Variants in NRG1 observed in about 807,000 individuals in gnomAD.
The protein encoded by NRG1 is pro-neuregulin-1, membrane-bound isoform.
In NRG1, 18 loss-of-function variants were observed where a neutral mutation model predicts 63.8. The observed-to-expected ratio is 0.28, with a 90% CI of 0.19 to 0.42. The LOEUF (loss-of-function observed/expected upper bound fraction) is 0.42. NRG1 is among the 10% of genes least tolerant of loss of function. The pLI, the probability that NRG1 is intolerant of heterozygous loss-of-function variation, is 1.00. For missense variants in NRG1, 762 were observed against 814.7 expected (o/e 0.94, Z 0.79); for synonymous variants, 302 against 301.3 (o/e 1.00, Z -0.02).
chr8:31,813,412 T>C (rs1486822423), intron 1 of NRG1, among the ~76,000 whole-genome samples: 1 of 152,106 alleles, frequency 6.6e-6, no homozygotes, highest in Non-Finnish European at 1.5e-5. Context: ...TTAATGCTCT[T>C]AGTCTGTTGG....
chr8:31,759,365 TTA>T (rs1563368020), intron 1 of NRG1, among the ~76,000 whole-genome samples: 1 of 152,138 alleles, frequency 6.6e-6, no homozygotes, highest in Non-Finnish European at 1.5e-5. Flanking sequence ...CTTCAGACTT[TTA>T]GCTTATACAT....
chr8:32,335,830 G>A (rs909515706), intron 1 of NRG1, among the ~76,000 whole-genome samples: 4 of 152,116 alleles, frequency 2.6e-5, no homozygotes, highest in African/African-American at 9.7e-5. Context: ...TGCTGAGAGG[G>A]TCTTGGGTCT....
intron 5 of NRG1, among the ~76,000 whole-genome samples, chr8:32,669,724 T>G (rs1805129598): frequency 6.6e-6 from 1 of 152,202 alleles, no homozygotes; most frequent in Non-Finnish European, 1.5e-5. Context: ...TTGGTCTTAT[T>G]TAGTTGGGGC....
intron 1 of NRG1, among the ~76,000 whole-genome samples, chr8:32,002,771 C>T (rs751797393): frequency 1.2e-4 from 18 of 152,058 alleles, no homozygotes; most frequent in Admixed American, 7.9e-4. Flanking sequence ...CTTGTGCCTG[C>T]GCACCTATCT....
chr8:31,726,430 A>C (rs1813450373), intron 1 of NRG1, among the ~76,000 whole-genome samples: 1 of 152,162 alleles, frequency 6.6e-6, no homozygotes. Flanking sequence ...AAACTATCTA[A>C]GGCAAAATTT....
intron 1 of NRG1, among the ~76,000 whole-genome samples, chr8:32,584,698 G>T (rs1389724013): frequency 6.6e-6 from 1 of 152,176 alleles, no homozygotes; most frequent in East Asian, 1.9e-4. Context: ...GGACACATTT[G>T]TTTCAGAATT....
intron 1 of NRG1, among the ~76,000 whole-genome samples, chr8:31,697,910 A>G (rs1360163131): frequency 2.2e-5 from 2 of 89,670 alleles, no homozygotes; most frequent in African/African-American, 4.3e-5. Flanking sequence ...TTTTTTTTTG[A>G]TGGAGTTTCA....
At chr8:32,708,858 A>G (rs991414374) in intron 5 of NRG1, among the ~76,000 whole-genome samples, 4 of 152,318 alleles carry the variant, frequency 2.6e-5, no homozygotes, top group South Asian at 2.1e-4. Flanking sequence ...GTGACTGCCT[A>G]TAGGAAGAAG....
At chr8:32,530,566 C>T (rs1373647885) in intron 1 of NRG1, among the ~76,000 whole-genome samples, 2 of 152,128 alleles carry the variant, frequency 1.3e-5, no homozygotes, top group African/African-American at 2.4e-5. Flanking sequence ...GATTTATATG[C>T]CTTTGAGTCT....
At chr8:31,934,637 G>A (rs796577277) in intron 1 of NRG1, among the ~76,000 whole-genome samples, 8 of 151,590 alleles carry the variant, frequency 5.3e-5, no homozygotes, top group African/African-American at 1.9e-4. Context: ...TATTATCCAC[G>A]GAAAGGGTAC....
At chr8:31,713,239 C>T (rs1466423204) in intron 1 of NRG1, among the ~76,000 whole-genome samples, 1 of 151,340 alleles carries the variant, frequency 6.6e-6, no homozygotes, top group Admixed American at 6.6e-5. Context: ...GCCTCAGCCT[C>T]CCGAGTAGCT....
At chr8:31,937,564 G>A (rs920291632) in intron 1 of NRG1, among the ~76,000 whole-genome samples, 19 of 152,220 alleles carry the variant, frequency 1.2e-4, no homozygotes, top group Middle Eastern at 3.4e-3. Context: ...CTGAGATGTC[G>A]AAAAACTGTG....
At chr8:31,678,129 G>A (rs1807919765) in intron 1 of NRG1, among the ~76,000 whole-genome samples, 1 of 149,680 alleles carries the variant, frequency 6.7e-6, no homozygotes, top group Admixed American at 6.7e-5. Flanking sequence ...TAAACTCTTT[G>A]AATTATGTCA....
At chr8:32,483,119 A>ATG (rs369424514) in intron 1 of NRG1, among the ~76,000 whole-genome samples, 1 of 152,088 alleles carries the variant, frequency 6.6e-6, no homozygotes, top group Non-Finnish European at 1.5e-5. Flanking sequence ...TGACATGAAT[A>ATG]TGTGTGTGTG....
rs1400037783 is a variant in NRG1, at chr8:31,640,599, C to T, written c.37+1168C>T. 1.9e-6 allele frequency: 3 copies of T among 1,612,156 alleles called. No individual in the cohort carries two copies. Among genetic ancestry groups the T allele is most frequent in the Non-Finnish European group, 1.7e-6 (2 of 1,179,590 alleles). ...GGAGGCTCAAGGAGGACAGCAGGTA[C>T]ATCTTCTTCATGGAGCCCGACGCCA... On this transcript the variant is annotated intron_variant, in intron 1 of 10. Coordinates refer to the NRG1 transcript ENST00000519301. This position sits in a 1 kb window ranked among gnomAD's most constrained non-coding sequence, Gnocchi z 6.3.
At chr8:32,608,331 T>C (rs1223942231) in intron 3 of NRG1, among the ~76,000 whole-genome samples, 2 of 151,212 alleles carry the variant, frequency 1.3e-5, no homozygotes, top group African/African-American at 4.9e-5. Context: ...CCATTACGCC[T>C]GGCTAATTAA....
At chr8:32,125,953 G>C (rs1193930041) in intron 1 of NRG1, among the ~76,000 whole-genome samples, 2 of 151,862 alleles carry the variant, frequency 1.3e-5, no homozygotes. Context: ...CTGTTTGTTG[G>C]GAAGATGTGA....
At chr8:32,517,934 C>A (rs904086930) in intron 1 of NRG1, among the ~76,000 whole-genome samples, 33 of 152,050 alleles carry the variant, frequency 2.2e-4, no homozygotes, top group Admixed American at 2.0e-3. Context: ...TGTTCTCTAG[C>A]AAAGATCAAA....
intron 5 of NRG1, among the ~76,000 whole-genome samples, chr8:32,662,391 T>A (rs1398824976): frequency 6.6e-6 from 1 of 152,080 alleles, no homozygotes; most frequent in Non-Finnish European, 1.5e-5. Flanking sequence ...TTAAATGAGA[T>A]CAGAGAGGTG....
Sources: gnomAD v4.1 joint callset for allele counts (sites outside exome capture counted in the v4.1 genomes callset) on GRCh38, gnomAD v4.1.1 for gene constraint, Gnocchi (gnomAD v3.1) non-coding constraint, MANE v1.5 for transcripts, NCBI Gene and HGNC (gene_info 2026-07-23, HGNC 2026-07-21) for gene names.